The following QKI variants were observed in gnomAD, a reference collection of about 807,000 sequenced individuals.
QKI encodes the protein QKI, KH domain containing RNA binding, also known as KH domain-containing RNA-binding protein QKI.
In QKI, 10 loss-of-function variants were observed where a neutral mutation model predicts 39.0. The ratio of observed to expected loss-of-function variants is 0.26; its 90% CI spans 0.16 to 0.43. QKI has a LOEUF of 0.43. Ranked by LOEUF, QKI falls within the 20% of genes least tolerant of loss-of-function variation. The probability of loss-of-function intolerance (pLI) is 1.00; values close to 1 mark genes in which losing one functional copy is unlikely to be tolerated. For missense variants in QKI, 218 were observed against 428.0 expected (o/e 0.51, Z 4.33); for synonymous variants, 204 against 155.4 (o/e 1.31, Z -2.33).
At chr6:163,488,195 A>G (rs1334088610) in intron 3 of QKI, among the ~76,000 whole-genome samples, 7 of 152,174 alleles carry the variant, frequency 4.6e-5, no homozygotes, top group Non-Finnish European at 1.0e-4. Context: ...TCTTTTCAAC[A>G]TAATCCTAGT....
chr6:163,569,449 A>G (rs774729861), intron 7 of QKI: 25 of 1,280,308 alleles, frequency 2.0e-5, no homozygotes, highest in African/African-American at 1.1e-4. Context: ...CACAATGGCA[A>G]CAGTACAGAA....
intron 3 of QKI, among the ~76,000 whole-genome samples, chr6:163,498,812 C>T (rs572652544): frequency 3.0e-4 from 46 of 152,154 alleles, no homozygotes; most frequent in African/African-American, 6.5e-4. Context: ...TTTCCATTGC[C>T]TTTGATATCA....
intron 3 of QKI, among the ~76,000 whole-genome samples, chr6:163,500,924 A>G (rs1364412567): frequency 1.3e-5 from 2 of 152,064 alleles, no homozygotes; most frequent in Admixed American, 6.6e-5. Context: ...TGAAGTACAA[A>G]TTCTCCCCTC....
chr6:163,438,762 A>G (rs1789504082), intron 1 of QKI, among the ~76,000 whole-genome samples: 1 of 152,152 alleles, frequency 6.6e-6, no homozygotes, highest in East Asian at 1.9e-4. Flanking sequence ...TGAATGTGTG[A>G]AAGTCCTAGG....
chr6:163,450,021 A>G (rs1000235679), intron 1 of QKI, among the ~76,000 whole-genome samples: 22 of 152,020 alleles, frequency 1.4e-4, no homozygotes, highest in African/African-American at 5.1e-4. Context: ...TATAACATAT[A>G]TATACACACA....
chr6:163,442,524 C>T lies in QKI; in HGVS notation c.143-12755C>T, dbSNP rs1789837077. 1.3e-5 allele frequency among the ~76,000 whole-genome samples: 2 copies of T among 152,066 alleles called. 1 individual carries two copies. The highest frequency in any genetic ancestry group is 4.1e-4 in the South Asian group (2 of 4,826). On this transcript the variant is annotated intron_variant, in intron 1 of 7. Transcript: ENST00000361752. The stretch of plus-strand genomic sequence containing the variant: ...CAAGGTAGTGGTGGAAGCAGGTAGA[C>T]CGGTTAGGTTAAGATTAGGTAGGAA...
At chr6:163,501,071 TAAC>T (rs954369249) in intron 3 of QKI, among the ~76,000 whole-genome samples, 1 of 152,154 alleles carries the variant, frequency 6.6e-6, no homozygotes, top group Non-Finnish European at 1.5e-5. Context: ...ATTTTGTTAA[TAAC>T]AGGTGTCATT....
At chr6:163,499,309 A>AT (rs1288670713) in intron 3 of QKI, among the ~76,000 whole-genome samples, 1 of 152,204 alleles carries the variant, frequency 6.6e-6, no homozygotes, top group Non-Finnish European at 1.5e-5. Context: ...AATTTGTAAT[A>AT]TTTAGATAGG....
At chr6:163,491,518 A>G (rs958253135) in intron 3 of QKI, among the ~76,000 whole-genome samples, 1 of 151,394 alleles carries the variant, frequency 6.6e-6, no homozygotes, top group Non-Finnish European at 1.5e-5. Context: ...AATAAAATTC[A>G]TTTTAGATTA....
chr6:163,525,308 TCTC>T (rs1374463339), intron 3 of QKI, among the ~76,000 whole-genome samples: 13 of 147,762 alleles, frequency 8.8e-5, no homozygotes, highest in African/African-American at 3.0e-4. Flanking sequence ...CTCTCCCCTC[TCTC>T]CTCTTTTCTC....
chr6:163,566,279 G>A (rs1414173058), intron 6 of QKI: 38 of 1,227,216 alleles, frequency 3.1e-5, no homozygotes, highest in Non-Finnish European at 3.2e-5. Flanking sequence ...ACCACAATCT[G>A]TAGGCTTTAA....
intron 6 of QKI, 140 bp downstream of exon 6, chr6:163,563,859 AT>A (rs1783186745): frequency 6.9e-7 from 1 of 1,447,788 alleles, no homozygotes; most frequent in South Asian, 1.5e-5. Flanking sequence ...ATTTTGTTTT[AT>A]TTCAGCCTCT....
At chr6:163,464,416 A>G (rs188970470) in intron 2 of QKI, among the ~76,000 whole-genome samples, 5 of 152,198 alleles carry the variant, frequency 3.3e-5, no homozygotes, top group Non-Finnish European at 7.4e-5. Flanking sequence ...GTTCAACAAA[A>G]CAGAGTTGGT....
intron 3 of QKI, among the ~76,000 whole-genome samples, chr6:163,480,360 G>T (rs1792985015): frequency 6.6e-6 from 1 of 151,938 alleles, no homozygotes; most frequent in Non-Finnish European, 1.5e-5. Flanking sequence ...TGTTAGACCA[G>T]TACGCTGAAT....
In QKI at chr6:163,443,262, T is replaced by G. The variant is rs139496783; in HGVS notation, c.143-12017T>G. ...TTTTGGAATATTGTGTATAGTAGAT[T>G]GTTTCTTAAGCCTTTAAAAAACTCT... is the stretch of plus-strand genomic sequence containing the variant. On this transcript the variant is annotated intron_variant, in intron 1 of 7. Coordinates refer to ENST00000361752, the MANE Select transcript of QKI (RefSeq NM_006775.3). Among the ~76,000 whole-genome samples, 53 of 152,368 alleles carry G rather than the reference T, an allele frequency of 3.5e-4. No individual in the cohort carries two copies. The East Asian group carries it at 5.8e-3, about 17-fold the overall frequency.
intron 3 of QKI, among the ~76,000 whole-genome samples, chr6:163,532,817 G>A (rs192672936): frequency 3.2e-4 from 49 of 152,196 alleles, no homozygotes; most frequent in African/African-American, 1.1e-3. Context: ...TGGCTGCCTC[G>A]GTTTCCCTGG....
chr6:163,445,648 TC>T (rs1281711320), intron 1 of QKI, among the ~76,000 whole-genome samples: 3 of 149,246 alleles, frequency 2.0e-5, no homozygotes, highest in Middle Eastern at 3.4e-3. Flanking sequence ...GGAGTCTTGC[TC>T]CGTTGCCCAG....
chr6:163,508,076 GA>G (rs1411383588), intron 3 of QKI, among the ~76,000 whole-genome samples: 1 of 151,966 alleles, frequency 6.6e-6, no homozygotes, highest in African/African-American at 2.4e-5. Flanking sequence ...ATGTGAATTT[GA>G]AGAAAGAGCA....
At chr6:163,570,353 CT>C in intron 7 of QKI, 13 of 983,114 alleles carry the variant, frequency 1.3e-5, no homozygotes, top group African/African-American at 1.7e-5. Flanking sequence ...TATACCAAAC[CT>C]ATTCATTGTT....
Sources: allele counts gnomAD v4.1 joint callset (sites outside exome capture counted in the v4.1 genomes callset), GRCh38; gene constraint gnomAD v4.1.1; transcripts MANE v1.5; gene names NCBI Gene and HGNC (gene_info 2026-07-23, HGNC 2026-07-21).